The following PLS3 variants were observed in gnomAD, a reference collection of about 807,000 sequenced individuals.
PLS3 encodes the protein plastin 3, also known as plastin-3.
In PLS3, 11 loss-of-function variants were observed where a neutral mutation model predicts 46.5. That is an observed-to-expected ratio of 0.24 (90% CI 0.15 to 0.39). PLS3 has a LOEUF of 0.39. Ranked by LOEUF, PLS3 falls within the 10% of genes least tolerant of loss-of-function variation. The probability of loss-of-function intolerance (pLI) is 1.00; values close to 1 mark genes in which losing one functional copy is unlikely to be tolerated. For synonymous variants in PLS3, 167 were observed against 162.2 expected (o/e 1.03, Z -0.22); for missense variants, 308 against 461.8 (o/e 0.67, Z 3.05).
chrX:115,635,686 AAG>A (rs1164844771), intron 7 of PLS3, among the ~76,000 whole-genome samples: 2 of 107,465 alleles, frequency 1.9e-5, no homozygotes, highest in Non-Finnish European at 3.8e-5. Context: ...AAGAAAAAAA[AAG>A]AGAGAAAATG....
intron 1 of PLS3, among the ~76,000 whole-genome samples, chrX:115,606,843 A>T (rs2074498256): frequency 9.0e-6 from 1 of 111,357 alleles, no homozygotes; most frequent in East Asian, 2.8e-4. Context: ...TTAAAAAAAA[A>T]TTTTTTTGGA....
chrX:115,599,921 C>T (rs964437341), intron 1 of PLS3, among the ~76,000 whole-genome samples: 6 of 110,875 alleles, frequency 5.4e-5, no homozygotes, highest in African/African-American at 1.3e-4. Context: ...TGAGCCACTG[C>T]GCCTGGCTGA....
At chrX:115,598,552 C>T (rs1203314308) in intron 1 of PLS3, among the ~76,000 whole-genome samples, 2 of 111,585 alleles carry the variant, frequency 1.8e-5, no homozygotes, top group African/African-American at 3.3e-5. Context: ...ACCAAGATTC[C>T]GTGAAAGTTT....
intron 9 of PLS3, 29 bp downstream of exon 9, chrX:115,640,532 C>A: frequency 1.3e-6 from 1 of 786,921 alleles, no homozygotes; most frequent in Admixed American, 2.4e-5. Flanking sequence ...TTGAATTCTA[C>A]AATCTTGCAA....
At chrX:115,591,507 A>G (rs900385281) in intron 1 of PLS3, among the ~76,000 whole-genome samples, 24 of 111,960 alleles carry the variant, frequency 2.1e-4, no homozygotes, top group African/African-American at 6.8e-4. Flanking sequence ...AATTTCCTCA[A>G]TGATACTGCT....
chrX:115,578,247 A>G (rs782091824), intron 1 of PLS3, among the ~76,000 whole-genome samples: 28 of 111,878 alleles, frequency 2.5e-4, no homozygotes, highest in African/African-American at 8.4e-4. Context: ...TATTTCTAAT[A>G]ACAGATACCT....
chrX:115,589,475 G>A (rs1271369896), intron 1 of PLS3, among the ~76,000 whole-genome samples: 4 of 111,569 alleles, frequency 3.6e-5, no homozygotes, highest in African/African-American at 1.3e-4. Flanking sequence ...CTTGTTGCCT[G>A]TTTTATATGT....
rs2074993225 is a variant in PLS3, at chrX:115,650,673, T to C, written c.*1112T>C. The C allele has an allele frequency of 8.9e-6, 1 of 112,312 alleles. No homozygotes were observed. Among genetic ancestry groups the C allele is most frequent in the Admixed American group, 9.6e-5 (1 of 10,427 alleles). The allele number at this position is 112,312 out of a possible 1,213,427, so 9.3% of individuals were successfully genotyped here. A position where few individuals can be genotyped will look rare whatever the true frequency, so the allele number is the denominator to read the frequency against. ...TCAAATAAAGGCATTTACATAATAA[T>C]TAGTCTGTTCTTCATGCTTTTGTCT... On this transcript the variant is annotated 3_prime_UTR_variant, in exon 16 of 16. Transcript: ENST00000355899.
At chrX:115,636,149 C>CA (rs1556640192) in intron 7 of PLS3, among the ~76,000 whole-genome samples, 1 of 109,739 alleles carries the variant, frequency 9.1e-6, no homozygotes, top group Non-Finnish European at 1.9e-5. Context: ...CTACTTTAAT[C>CA]AAAAGGTTAA....
chrX:115,622,582 C>G (rs2074667741), intron 3 of PLS3, among the ~76,000 whole-genome samples, 173 bp downstream of exon 3: 1 of 111,595 alleles, frequency 9.0e-6, no homozygotes, highest in East Asian at 2.8e-4. Flanking sequence ...GCTGGAATAT[C>G]TTAACAAACG....
intron 1 of PLS3, among the ~76,000 whole-genome samples, chrX:115,570,894 CT>C (rs369920378): frequency 0.044 from 3,677 of 84,134 alleles, 162 homozygotes; most frequent in African/African-American, 0.17. Flanking sequence ...TTAATTTATT[CT>C]TTTTTTTTTT....
intron 3 of PLS3, among the ~76,000 whole-genome samples, chrX:115,625,593 T>TA (rs66850665): frequency 1.5e-3 from 145 of 99,115 alleles, no homozygotes; most frequent in Admixed American, 3.7e-3. Flanking sequence ...GTTCTTTCTT[T>TA]AAAAAAAAAA....
At chrX:115,585,167 G>C (rs2147434316) in intron 1 of PLS3, among the ~76,000 whole-genome samples, 1 of 111,114 alleles carries the variant, frequency 9.0e-6, no homozygotes, top group African/African-American at 3.3e-5. Flanking sequence ...TTAGGGAATT[G>C]ATTATATATA....
rs1238132398 is a variant in PLS3, at chrX:115,606,747, T to A, written c.-8-3496T>A. On this transcript the variant is annotated intron_variant, in intron 1 of 15. Transcript: ENST00000355899. ...AAATTGGAATAAATCCTATGTCGTATTTTTGTAATGGGGAGTGTTGAACAT... is the reference window on the plus strand; with the variant it reads ...AAATTGGAATAAATCCTATGTCGTAATTTTGTAATGGGGAGTGTTGAACAT... Among the ~76,000 whole-genome samples the A allele has an allele frequency of 5.4e-5, 6 of 111,679 alleles. No individual in the cohort carries two copies. The Admixed American group carries it at 5.8e-4, about 11-fold the overall frequency.
intron 2 of PLS3, among the ~76,000 whole-genome samples, chrX:115,619,845 G>C (rs1035377590): frequency 1.6e-4 from 18 of 111,732 alleles, no homozygotes; most frequent in African/African-American, 5.9e-4. Flanking sequence ...CTCCAGCTTG[G>C]GCAAGAGAGA....
intron 5 of PLS3, among the ~76,000 whole-genome samples, chrX:115,630,244 A>G (rs782055184): frequency 9.0e-6 from 1 of 111,316 alleles, no homozygotes; most frequent in South Asian, 3.9e-4. Flanking sequence ...TAAGTATGTC[A>G]GTGTCTCTTT....
chrX:115,641,551 C>T (rs185165039), intron 9 of PLS3, among the ~76,000 whole-genome samples: 2 of 110,516 alleles, frequency 1.8e-5, no homozygotes, highest in African/African-American at 6.6e-5. Context: ...TTATGCTGCC[C>T]TTATCAGAAC....
chrX:115,568,134 T>C (rs2074189510), intron 1 of PLS3, among the ~76,000 whole-genome samples: 2 of 111,655 alleles, frequency 1.8e-5, no homozygotes, highest in Non-Finnish European at 3.8e-5. Flanking sequence ...TTTTAACATT[T>C]TGGGGCTTGT....
intron 1 of PLS3, among the ~76,000 whole-genome samples, chrX:115,596,690 A>G (rs1198665227): frequency 9.0e-6 from 1 of 110,868 alleles, no homozygotes; most frequent in African/African-American, 3.3e-5. Flanking sequence ...AATAAAAACT[A>G]GCCAGATGTG....
Sources: gnomAD v4.1 joint callset for allele counts (sites outside exome capture counted in the v4.1 genomes callset) on GRCh38, gnomAD v4.1.1 for gene constraint, MANE v1.5 for transcripts, NCBI Gene and HGNC (gene_info 2026-07-23, HGNC 2026-07-21) for gene names.